The following TRAPPC11 variants were observed in gnomAD, a reference collection of about 807,000 sequenced individuals.
TRAPPC11 encodes the protein trafficking protein particle complex subunit 11.
In TRAPPC11, 104 loss-of-function variants were observed where a neutral mutation model predicts 151.2. The ratio of observed to expected loss-of-function variants is 0.69; its 90% CI spans 0.59 to 0.81. The LOEUF (loss-of-function observed/expected upper bound fraction) is 0.81. Ranked by LOEUF, TRAPPC11 falls within the 30% of genes least tolerant of loss-of-function variation. The pLI is 0.00. For synonymous variants in TRAPPC11, 456 were observed against 472.3 expected, an observed-to-expected ratio of 0.97 and a Z score of 0.45; for missense variants, 1,230 against 1,349.6, an observed-to-expected ratio of 0.91 and a Z score of 1.39.
intron 10 of TRAPPC11, among the ~76,000 whole-genome samples, chr4:183,682,313 C>T (rs1579186846): frequency 6.6e-6 from 1 of 152,132 alleles, no homozygotes; most frequent in African/African-American, 2.4e-5. Flanking sequence ...AAATATTCCC[C>T]CACAATAGCA....
intron 1 of TRAPPC11, among the ~76,000 whole-genome samples, chr4:183,661,482 C>T (rs930770623): frequency 2.7e-5 from 4 of 149,564 alleles, no homozygotes; most frequent in African/African-American, 9.8e-5. Context: ...CGCCATTCTC[C>T]TGCCTCAGCC....
chr4:183,699,127 C>G (rs1275013713), intron 25 of TRAPPC11, among the ~76,000 whole-genome samples: 1 of 152,184 alleles, frequency 6.6e-6, no homozygotes, highest in Non-Finnish European at 1.5e-5. Context: ...TGCCTCTACC[C>G]CAGGCTGTCT....
intron 18 of TRAPPC11, among the ~76,000 whole-genome samples, chr4:183,688,163 G>C (rs1490339051): frequency 6.6e-6 from 1 of 152,062 alleles, no homozygotes. Context: ...GGCATTTTGG[G>C]GACAAGGGCC....
At chr4:183,697,921 A>T in intron 25 of TRAPPC11, 86 bp downstream of exon 25, 1 of 1,339,084 alleles carries the variant, frequency 7.5e-7, no homozygotes, top group South Asian at 1.5e-5. Flanking sequence ...TGGAAGAGTT[A>T]ATTAGCTTTT....
At chr4:183,665,238 GCGC>G (rs1231062341) in intron 2 of TRAPPC11, among the ~76,000 whole-genome samples, 1 of 151,792 alleles carries the variant, frequency 6.6e-6, no homozygotes, top group Non-Finnish European at 1.5e-5. Context: ...GGGACTACAG[GCGC>G]CCGCCACCAC....
chr4:183,693,518 T>C, intron 20 of TRAPPC11, 71 bp from the exon 21 acceptor site: 1 of 1,502,106 alleles, frequency 6.7e-7, no homozygotes. Context: ...TTATTTCTTT[T>C]AAATACTTTA....
rs1737388498 is a variant in TRAPPC11, at chr4:183,712,619, A to T, written c.3377A>T (p.Asp1126Val). 1 of 1,614,042 alleles carries T rather than the reference A, an allele frequency of 6.2e-7. No individual in the cohort carries two copies. Among genetic ancestry groups the T allele is most frequent in the African/African-American group, 1.3e-5 (1 of 74,906 alleles). The change falls in exon 30 of 30, where the codon GAT becomes GTT. Residue 1126 changes from aspartate to valine, a missense_variant. Asp to Val is a radical substitution (Grantham distance 152). Coordinates refer to ENST00000334690, the MANE Select transcript of TRAPPC11 (RefSeq NM_021942.6). ...IFVKPQGRLMDDTSIAAA is the reference protein window; with the variant it reads ...IFVKPQGRLMVDTSIAAA Reference sequence around the variant, plus strand: ...TTAAAGCCACAGGGTCGACTCATGGATGATACCTCTATTGCTGCTGCATGA... The same window carrying T: ...TTAAAGCCACAGGGTCGACTCATGGTTGATACCTCTATTGCTGCTGCATGA...
At chr4:183,672,936 T>A (rs1735223525) in intron 5 of TRAPPC11, among the ~76,000 whole-genome samples, 1 of 151,912 alleles carries the variant, frequency 6.6e-6, no homozygotes, top group Non-Finnish European at 1.5e-5. Flanking sequence ...TTCTAGTCAG[T>A]GCCTTGTTGC....
At chr4:183,686,779 C>T (rs760226936) in intron 18 of TRAPPC11, 31 bp downstream of exon 18, 43 of 1,608,964 alleles carry the variant, frequency 2.7e-5, no homozygotes, top group Non-Finnish European at 3.2e-5. Flanking sequence ...GTTTTTACCA[C>T]GTTTATCTTA....
At chr4:183,690,605 T>C (rs1736212640) in intron 18 of TRAPPC11, among the ~76,000 whole-genome samples, 1 of 152,170 alleles carries the variant, frequency 6.6e-6, no homozygotes, top group Non-Finnish European at 1.5e-5. Context: ...AACAATGGTA[T>C]GGTGAACGTG....
chr4:183,704,062 A>ACACT (rs925506625), intron 26 of TRAPPC11, among the ~76,000 whole-genome samples: 29 of 152,308 alleles, frequency 1.9e-4, no homozygotes, highest in African/African-American at 6.7e-4. Context: ...TGCTACCAAA[A>ACACT]CACTGTATTA....
Position 183,691,427 on chromosome 4 carries a change from T to C in TRAPPC11, c.2005T>C (p.Phe669Leu), listed in dbSNP as rs757535065. 1.3e-6 allele frequency: 2 copies of C among 1,527,636 alleles called. No homozygotes were observed. Among genetic ancestry groups the C allele is most frequent in the South Asian group, 1.4e-5 (1 of 73,822 alleles). 94.6% of individuals were successfully genotyped at this position (1,527,636 alleles called of 1,614,324 possible). The change falls in exon 19 of 30, where the codon TTT (phenylalanine) becomes CTT (leucine). Residue 669 changes from phenylalanine (F) to leucine (L), a missense_variant. Phe to Leu is a conservative substitution (Grantham distance 22). Coordinates refer to ENST00000334690, the MANE Select transcript of TRAPPC11 (RefSeq NM_021942.6). Reference protein sequence around the residue: ...LVPGKTRKLLFKFVAKTEDVG... With the variant: ...LVPGKTRKLLLKFVAKTEDVG... ...TCCTGGCAAAACAAGAAAACTGTTA[T>C]TTAAGTTTGTTGCAAAAACTGAAGA...
chr4:183,697,621 A>G, intron 24 of TRAPPC11, 53 bp downstream of exon 24: 1 of 1,607,402 alleles, frequency 6.2e-7, no homozygotes, highest in Non-Finnish European at 8.5e-7. Flanking sequence ...AAATGGACTG[A>G]AATGATAAAA....
Position 183,660,752 on chromosome 4 carries a change from T to C in TRAPPC11, c.-22+1305T>C, listed in dbSNP as rs544736571. ...TTGTTGAGACGGAGTCTTGCTCTGT[T>C]GCCCAGGCTGGAGTGCAGTGGTGCG... is the stretch of plus-strand genomic sequence containing the variant. On this transcript the variant is annotated intron_variant, in intron 1 of 29. Coordinates refer to ENST00000334690, the MANE Select transcript of TRAPPC11 (RefSeq NM_021942.6). Among the ~76,000 whole-genome samples the C allele has an allele frequency of 2.8e-3, 423 of 152,302 alleles. 1 individual carries two copies. Among genetic ancestry groups the C allele is most frequent in the African/African-American group, 8.9e-3 (368 of 41,558 alleles).
intron 5 of TRAPPC11, 65 bp from the exon 6 acceptor site, chr4:183,674,648 T>C (rs1735320460): frequency 5.6e-6 from 5 of 887,148 alleles, no homozygotes; most frequent in Non-Finnish European, 8.5e-6. Context: ...CTCACAAATA[T>C]TCTTGAAAAG....
In TRAPPC11 at chr4:183,694,034, A is replaced by G; in HGVS notation, c.2504A>G (p.Glu835Gly). 1 of 1,613,626 alleles carries G rather than the reference A, an allele frequency of 6.2e-7. No individual in the cohort carries two copies. Among genetic ancestry groups the G allele is most frequent in the Non-Finnish European group, 8.5e-7 (1 of 1,179,654 alleles). Residue 835 changes from glutamate (E) to glycine (G), a missense_variant, in exon 22 of 30, where the codon GAA (glutamate) becomes GGA (glycine). Glu to Gly is a moderately conservative substitution (Grantham distance 98). Transcript: ENST00000334690. ...DIPVGDLHPG[E>G]QLEKMLYVRC... Reference sequence around the variant, plus strand: ...CCTGTTGGAGACTTACATCCAGGGGAACAGGTAAACTTGGTCAACTGGGAT... The same window carrying G: ...CCTGTTGGAGACTTACATCCAGGGGGACAGGTAAACTTGGTCAACTGGGAT...
intron 10 of TRAPPC11, among the ~76,000 whole-genome samples, chr4:183,681,729 G>A (rs1190170043): frequency 2.7e-5 from 4 of 150,646 alleles, no homozygotes; most frequent in Admixed American, 6.6e-5. Flanking sequence ...GCAGCGAGCC[G>A]AGATCGTGCC....
chr4:183,682,590 A>T, intron 10 of TRAPPC11, 142 bp from the exon 11 acceptor site: 1 of 432,034 alleles, frequency 2.3e-6, no homozygotes, highest in Non-Finnish European at 4.1e-6. Flanking sequence ...AATTTATGTT[A>T]AAATATTCAC....
rs1285812870 is a variant in TRAPPC11, at chr4:183,683,961, C to G, written c.1208-14C>G. On this transcript the variant is annotated splice_polypyrimidine_tract_variant and intron_variant, in intron 11 of 29. Transcript: ENST00000334690. ...ATGAGCTGTCTAAAATGAGTTGTGT[C>G]TCATCTTACGCAGGTTTTGATCTTT... 2 of 1,610,870 alleles carry G rather than the reference C, an allele frequency of 1.2e-6. No homozygotes were observed. The highest frequency in any genetic ancestry group is 2.7e-5 in the African/African-American group (2 of 74,836).
Sources: allele counts gnomAD v4.1 joint callset (sites outside exome capture counted in the v4.1 genomes callset), GRCh38; gene constraint gnomAD v4.1.1; transcripts MANE v1.5; gene names NCBI Gene and HGNC (gene_info 2026-07-23, HGNC 2026-07-21).